Variants in QTGAL observed in about 807,000 individuals in gnomAD.
QTGAL encodes the protein BGnT-like protein 1.
At chr17:82,957,981 G>T in the QTGAL span, among the ~76,000 whole-genome samples, 1 of 152,108 alleles carries the variant, frequency 6.6e-6, no homozygotes, top group Admixed American at 6.5e-5. Flanking sequence ...TCGACCCCAG[G>T]CTGCTGTCCC....
At chr17:82,953,893 G>A in the QTGAL span, among the ~76,000 whole-genome samples, 65 of 152,206 alleles carry the variant, frequency 4.3e-4, no homozygotes, top group African/African-American at 1.4e-3. Context: ...AACCAAAGAC[G>A]AAGACCACAT....
chr17:82,946,053 C>T, the QTGAL span: 1 of 152,082 alleles, frequency 6.6e-6, no homozygotes, highest in African/African-American at 2.4e-5. Flanking sequence ...GAACAGAGTG[C>T]AGATAATTCA....
At chr17:82,970,567 C>CCCACCCA in the QTGAL span, among the ~76,000 whole-genome samples, 7 of 131,664 alleles carry the variant, frequency 5.3e-5, no homozygotes, top group African/African-American at 2.5e-4. Flanking sequence ...CCGCGACCTC[C>CCCACCCA]GCACCCGGCG....
chr17:82,956,777 T>G, the QTGAL span: 1 of 1,573,778 alleles, frequency 6.4e-7, no homozygotes, highest in Non-Finnish European at 8.6e-7. The surrounding 1 kb of genome is among the most constrained non-coding windows in gnomAD (Gnocchi z 5.7). Context: ...TTCCTGAGAG[T>G]GACAGTGGCC....
the QTGAL span, among the ~76,000 whole-genome samples, chr17:82,972,531 C>T: frequency 1.2e-3 from 119 of 98,422 alleles, no homozygotes; most frequent in African/African-American, 4.7e-3. Flanking sequence ...GACCTGGTGC[C>T]GACCACACCA....
At chr17:82,961,084 GGGT>G in the QTGAL span, 3 of 1,610,316 alleles carry the variant, frequency 1.9e-6, no homozygotes, top group Non-Finnish European at 2.5e-6. Flanking sequence ...GGCCGCCTGT[GGGT>G]GGTGGCGATA....
the QTGAL span, among the ~76,000 whole-genome samples, chr17:82,954,642 A>T: frequency 2.0e-5 from 3 of 152,364 alleles, no homozygotes; most frequent in Admixed American, 2.0e-4. Context: ...TTTAAATTTC[A>T]TATGAAACCA....
At chr17:82,966,748 C>G in the QTGAL span, among the ~76,000 whole-genome samples, 3 of 152,302 alleles carry the variant, frequency 2.0e-5, no homozygotes, top group South Asian at 2.1e-4. Flanking sequence ...CCAGGGAGAA[C>G]ATTCGTGATT....
the QTGAL span, chr17:83,048,552 T>C: frequency 3.1e-6 from 5 of 1,613,958 alleles, no homozygotes; most frequent in South Asian, 3.3e-5. Flanking sequence ...CATTTTTCAA[T>C]GATAGCCCCA....
the QTGAL span, chr17:82,948,866 G>A: frequency 3.3e-5 from 5 of 152,208 alleles, no homozygotes; most frequent in African/African-American, 1.2e-4. Context: ...ATGGGACAAT[G>A]TTGTTTTTTA....
At chr17:83,005,893 G>C in the QTGAL span, 1 of 1,366,492 alleles carries the variant, frequency 7.3e-7, no homozygotes, top group South Asian at 1.7e-5. The surrounding 1 kb of genome is among the most constrained non-coding windows in gnomAD (Gnocchi z 5.6). Context: ...CCTCTGCCCC[G>C]GAGTGGGCTC....
the QTGAL span, among the ~76,000 whole-genome samples, chr17:83,033,798 ATTAG>A: frequency 8.6e-5 from 13 of 151,698 alleles, no homozygotes; most frequent in African/African-American, 3.1e-4. Flanking sequence ...TAAAAGTGTT[ATTAG>A]TTCAGTTTTT....
the QTGAL span, among the ~76,000 whole-genome samples, chr17:83,046,660 T>C: frequency 6.6e-6 from 1 of 152,228 alleles, no homozygotes; most frequent in African/African-American, 2.4e-5. Context: ...GTGGAAAAGT[T>C]TGGCAGCTCC....
the QTGAL span, chr17:83,005,805 A>G: frequency 8.9e-7 from 1 of 1,129,870 alleles, no homozygotes; most frequent in Non-Finnish European, 1.2e-6. The surrounding 1 kb of genome is among the most constrained non-coding windows in gnomAD (Gnocchi z 5.6). Flanking sequence ...GGCCCTGCAG[A>G]GCCTCAGAGC....
chr17:83,034,801 C>CT, the QTGAL span, among the ~76,000 whole-genome samples: 1 of 152,222 alleles, frequency 6.6e-6, no homozygotes, highest in South Asian at 2.1e-4. Context: ...ACATGCGCGA[C>CT]TGTGAGACCT....
the QTGAL span, chr17:83,014,422 G>A: frequency 6.2e-7 from 1 of 1,604,662 alleles, no homozygotes; most frequent in Admixed American, 1.7e-5. Flanking sequence ...TTCACTAAAG[G>A]TAGTAACGAC....
the QTGAL span, chr17:83,014,459 A>G: frequency 6.2e-7 from 1 of 1,613,976 alleles, no homozygotes; most frequent in Non-Finnish European, 8.5e-7. Context: ...CTTACGCTCG[A>G]CGGGTGCTGA....
chr17:83,006,071 G>A, the QTGAL span: 1 of 1,003,646 alleles, frequency 1.0e-6, no homozygotes, highest in Non-Finnish European at 1.2e-6. The surrounding 1 kb of genome is among the most constrained non-coding windows in gnomAD (Gnocchi z 5.8). Context: ...AGGGCCAGCA[G>A]AGCCTCCCGA....
chr17:82,956,468 C>G, the QTGAL span, among the ~76,000 whole-genome samples: 1 of 152,220 alleles, frequency 6.6e-6, no homozygotes, highest in East Asian at 1.9e-4. The surrounding 1 kb of genome is among the most constrained non-coding windows in gnomAD (Gnocchi z 5.7). Flanking sequence ...CCCCCCACAC[C>G]CATGCAGGCC....
Sources: allele counts gnomAD v4.1 joint callset (sites outside exome capture counted in the v4.1 genomes callset), GRCh38; gene constraint gnomAD v4.1.1; non-coding constraint Gnocchi (gnomAD v3.1); transcripts MANE v1.5; gene names NCBI Gene and HGNC (gene_info 2026-07-23, HGNC 2026-07-21).